SLC38A1: variants seen among roughly 807,000 people sequenced by gnomAD.
The protein encoded by SLC38A1 is solute carrier family 38 member 1.
SLC38A1 carries 18 observed loss-of-function variants against 60.3 expected under a neutral mutation model. The ratio of observed to expected loss-of-function variants is 0.30; its 90% CI spans 0.21 to 0.44. SLC38A1 has a LOEUF of 0.44. Among genes scored for constraint, SLC38A1 ranks in the 20% least tolerant of loss-of-function variants. SLC38A1 has a pLI of 1.00. For missense variants in SLC38A1, 448 were observed against 587.2 expected (o/e 0.76, Z 2.45); for synonymous variants, 196 against 212.1 (o/e 0.92, Z 0.66).
intron 1 of SLC38A1, among the ~76,000 whole-genome samples, chr12:46,255,838 A>G (rs1402702658): frequency 6.6e-6 from 1 of 152,142 alleles, no homozygotes; most frequent in Non-Finnish European, 1.5e-5. Flanking sequence ...TAATGCTCCA[A>G]AGTAGCCAAA....
intron 5 of SLC38A1, among the ~76,000 whole-genome samples, chr12:46,209,358 G>A (rs577290740): frequency 4.6e-5 from 7 of 152,262 alleles, no homozygotes; most frequent in South Asian, 2.1e-4. Flanking sequence ...TATGTAATTC[G>A]AAGCCCAAAT....
At chr12:46,208,614 T>C (rs2137244617) in intron 6 of SLC38A1, among the ~76,000 whole-genome samples, 1 of 152,344 alleles carries the variant, frequency 6.6e-6, no homozygotes, top group Middle Eastern at 3.4e-3. Flanking sequence ...AGTCTCTTCA[T>C]AGCTTGCTCA....
chr12:46,204,479 A>T, intron 10 of SLC38A1, 53 bp downstream of exon 10: 2 of 1,592,728 alleles, frequency 1.3e-6, no homozygotes, highest in Non-Finnish European at 1.7e-6. Flanking sequence ...AATAATTATT[A>T]CATGCCATTG....
At chr12:46,207,452 T>C (rs758658973) in intron 7 of SLC38A1, 77 bp downstream of exon 7, 110 of 1,378,418 alleles carry the variant, frequency 8.0e-5, no homozygotes, top group Non-Finnish European at 1.1e-4. Context: ...ACTGCTTGAA[T>C]TATGTTAAAA....
intron 5 of SLC38A1, among the ~76,000 whole-genome samples, chr12:46,211,930 T>C (rs1300819062): frequency 6.6e-6 from 1 of 152,232 alleles, no homozygotes; most frequent in African/African-American, 2.4e-5. Flanking sequence ...ATCAGATCAC[T>C]AAGAGGCAAA....
At chr12:46,230,978 T>C (rs1338455802) in intron 3 of SLC38A1, among the ~76,000 whole-genome samples, 3 of 152,038 alleles carry the variant, frequency 2.0e-5, no homozygotes, top group Non-Finnish European at 4.4e-5. Flanking sequence ...AACTATTATA[T>C]CAAAAAAATA....
chr12:46,198,584 G>T, intron 14 of SLC38A1, 41 bp downstream of exon 14: 3 of 1,384,562 alleles, frequency 2.2e-6, no homozygotes, highest in Non-Finnish European at 3.0e-6. Flanking sequence ...GGAAAGCCGA[G>T]ACCTCAGCTT....
intron 5 of SLC38A1, among the ~76,000 whole-genome samples, chr12:46,209,350 T>C (rs933198595): frequency 3.9e-5 from 6 of 152,250 alleles, no homozygotes; most frequent in Non-Finnish European, 8.8e-5. Context: ...AAATCCTTTA[T>C]GTAATTCGAA....
rs988256300 is a variant in SLC38A1, at chr12:46,184,921, CGCT to C, written c.*4046_*4048del. The stretch of plus-strand genomic sequence containing the variant: ...GCCTGTGTTTAGGAATTTGCACCTG[CGCT>C]GCTATTTTCAACGAGAAGGGGATAA... On this transcript the variant is annotated 3_prime_UTR_variant, in exon 17 of 17. Transcript: ENST00000398637. 1 of 152,020 alleles carries C rather than the reference CGCT, an allele frequency of 6.6e-6. No individual in the cohort carries two copies. The highest frequency in any genetic ancestry group is 1.5e-5 in the Non-Finnish European group (1 of 68,030). The allele number at this position is 152,020 out of a possible 1,614,324, so 9.4% of individuals were successfully genotyped here.
chr12:46,217,145 T>C (rs1267177999), intron 5 of SLC38A1, among the ~76,000 whole-genome samples: 3 of 152,194 alleles, frequency 2.0e-5, no homozygotes, highest in Non-Finnish European at 4.4e-5. Context: ...TTTAAAATAC[T>C]TCACTTATGA....
At chr12:46,239,458 G>C (rs112408276) in intron 3 of SLC38A1, 1 of 336,140 alleles carries the variant, frequency 3.0e-6, no homozygotes, top group Non-Finnish European at 5.6e-6. Context: ...CCAAGTAGCT[G>C]GGACTACAGG....
chr12:46,202,919 A>G, intron 12 of SLC38A1, 91 bp downstream of exon 12: 1 of 904,014 alleles, frequency 1.1e-6, no homozygotes, highest in Non-Finnish European at 1.7e-6. Flanking sequence ...GCTGACGTTC[A>G]TTAGACAAGT....
chr12:46,257,125 A>T (rs938294963), intron 1 of SLC38A1, among the ~76,000 whole-genome samples: 1 of 152,218 alleles, frequency 6.6e-6, no homozygotes, highest in African/African-American at 2.4e-5. Flanking sequence ...CTTTTCCAGC[A>T]GTCCCATCAG....
intron 3 of SLC38A1, chr12:46,239,427 C>T (rs1306918953): frequency 7.4e-6 from 2 of 268,536 alleles, no homozygotes; most frequent in African/African-American, 2.2e-5. Context: ...CAGGTTCAAG[C>T]GATTCTCCTG....
At chr12:46,261,712 T>A (rs1389865372) in intron 1 of SLC38A1, among the ~76,000 whole-genome samples, 1 of 152,226 alleles carries the variant, frequency 6.6e-6, no homozygotes, top group African/African-American at 2.4e-5. Flanking sequence ...AAGAACTATA[T>A]AAACGGAAGG....
Position 46,225,680 on chromosome 12 carries a change from C to A in SLC38A1, c.314+3473G>T, listed in dbSNP as rs76889216. 9.4e-4 allele frequency among the ~76,000 whole-genome samples: 143 copies of A among 152,240 alleles called. 4 individuals are homozygous for A. In the East Asian group the frequency reaches 0.026, roughly 27 times the overall value. ...AATAGCATCTTAAGTGAAGCTATTG[C>A]GAACAAGCCCCACTCATGTGCGCCA... On this transcript the variant is annotated intron_variant, in intron 5 of 16. Transcript: ENST00000398637.
chr12:46,260,469 T>C (rs993090513), intron 1 of SLC38A1, among the ~76,000 whole-genome samples: 2 of 152,226 alleles, frequency 1.3e-5, no homozygotes, highest in Admixed American at 1.3e-4. Context: ...ACATGTCACA[T>C]GTTTCTTCAT....
chr12:46,196,860 A>G (rs1939402268), intron 16 of SLC38A1, among the ~76,000 whole-genome samples: 1 of 152,150 alleles, frequency 6.6e-6, no homozygotes, highest in Non-Finnish European at 1.5e-5. Flanking sequence ...ATGCCCTTGA[A>G]CTTCACCAGA....
intron 5 of SLC38A1, among the ~76,000 whole-genome samples, chr12:46,212,982 C>T (rs1351231676): frequency 1.3e-5 from 2 of 152,174 alleles, no homozygotes; most frequent in Non-Finnish European, 2.9e-5. Context: ...CCTGAGGGTG[C>T]TCATTTTAAG....
Sources: allele counts gnomAD v4.1 joint callset (sites outside exome capture counted in the v4.1 genomes callset), GRCh38; gene constraint gnomAD v4.1.1; transcripts MANE v1.5; gene names NCBI Gene and HGNC (gene_info 2026-07-23, HGNC 2026-07-21).